TRAK1: variants seen among roughly 807,000 people sequenced by gnomAD.
TRAK1 encodes the protein trafficking kinesin-binding protein 1.
A neutral mutation model predicts 92.1 loss-of-function variants in TRAK1; 33 were observed. That is an observed-to-expected ratio of 0.36 (90% CI 0.27 to 0.48). The LOEUF is 0.48. TRAK1 is among the 20% of genes least tolerant of loss of function. The pLI is 0.99. For synonymous variants in TRAK1, 521 were observed against 517.3 expected, an observed-to-expected ratio of 1.01 and a Z score of -0.10; for missense variants, 1,123 against 1,257.9, an observed-to-expected ratio of 0.89 and a Z score of 1.62.
chr3:42,130,426 G>C (rs1697040948), intron 2 of TRAK1, among the ~76,000 whole-genome samples: 1 of 152,092 alleles, frequency 6.6e-6, no homozygotes, highest in African/African-American at 2.4e-5. Context: ...AAGCAAATAA[G>C]AGTTTCAAAA....
At chr3:42,109,085 G>T (rs779724108) in intron 1 of TRAK1, among the ~76,000 whole-genome samples, 26 of 152,164 alleles carry the variant, frequency 1.7e-4, no homozygotes, top group African/African-American at 4.1e-4. Context: ...ACTATTTACA[G>T]GCTATGTGAT....
upstream of TRAK1, among the ~76,000 whole-genome samples, chr3:42,087,776 G>T (rs1307156224): frequency 6.6e-6 from 1 of 152,200 alleles, no homozygotes; most frequent in Non-Finnish European, 1.5e-5. Flanking sequence ...TATAAGACAG[G>T]TGTAGTGGGA....
intron 1 of TRAK1, among the ~76,000 whole-genome samples, chr3:42,075,170 A>T (rs934981371): frequency 6.6e-6 from 1 of 151,920 alleles, no homozygotes; most frequent in Non-Finnish European, 1.5e-5. Flanking sequence ...ATTTAAAAAA[A>T]ATTTTAATTA....
At chr3:42,188,983 C>T (rs1415166552) in intron 5 of TRAK1, 33 bp from the exon 6 acceptor site, 6 of 1,504,056 alleles carry the variant, frequency 4.0e-6, no homozygotes, top group Middle Eastern at 1.7e-4. Context: ...GGAAATGCGT[C>T]TCCCTAGGTT....
upstream of TRAK1, among the ~76,000 whole-genome samples, chr3:42,086,135 G>A (rs561570631): frequency 9.1e-4 from 139 of 152,284 alleles, no homozygotes; most frequent in African/African-American, 3.1e-3. Flanking sequence ...TTGAGGCAGC[G>A]GCACTCCTGA....
chr3:42,028,877 G>A (rs558781661), intron 1 of TRAK1, among the ~76,000 whole-genome samples: 7 of 152,196 alleles, frequency 4.6e-5, no homozygotes, highest in Admixed American at 6.5e-5. Context: ...TTATTTATGA[G>A]ACGGTATGTT....
intron 10 of TRAK1, 57 bp downstream of exon 10, chr3:42,194,998 C>T: frequency 6.3e-7 from 1 of 1,591,354 alleles, no homozygotes; most frequent in South Asian, 1.1e-5. Context: ...GACAGGAGCA[C>T]AGTGTCTGAC....
At chr3:42,187,512 G>T (rs1298317807) in intron 4 of TRAK1, among the ~76,000 whole-genome samples, 1 of 152,024 alleles carries the variant, frequency 6.6e-6, no homozygotes, top group Non-Finnish European at 1.5e-5. Flanking sequence ...CTGTTGCCCA[G>T]GCTGGAGTGC....
chr3:42,200,698 C>A, intron 11 of TRAK1, 120 bp from the exon 12 acceptor site: 1 of 951,632 alleles, frequency 1.1e-6, no homozygotes, highest in Non-Finnish European at 1.7e-6. Flanking sequence ...GGATAGCAGG[C>A]TGCTGGGGGA....
At chr3:42,214,905 A>T (rs1709491218) in intron 14 of TRAK1, among the ~76,000 whole-genome samples, 1 of 152,246 alleles carries the variant, frequency 6.6e-6, no homozygotes, top group Non-Finnish European at 1.5e-5. Flanking sequence ...TAAAAGTGTT[A>T]TCTTGTACAA....
At chr3:42,041,614 A>G (rs1221181541) in intron 1 of TRAK1, among the ~76,000 whole-genome samples, 1 of 145,742 alleles carries the variant, frequency 6.9e-6, no homozygotes, top group East Asian at 2.0e-4. Context: ...TTTTTTTCTA[A>G]TTGCTCTGGC....
intron 1 of TRAK1, among the ~76,000 whole-genome samples, chr3:42,075,500 G>T (rs1484829224): frequency 6.6e-6 from 1 of 152,162 alleles, no homozygotes; most frequent in Non-Finnish European, 1.5e-5. Flanking sequence ...TTGGGTATAT[G>T]CCCAGTAATG....
At chr3:42,142,837 G>A (rs1698839992) in intron 2 of TRAK1, among the ~76,000 whole-genome samples, 1 of 152,074 alleles carries the variant, frequency 6.6e-6, no homozygotes, top group African/African-American at 2.4e-5. Flanking sequence ...TATTAACTCT[G>A]TACTCTTTTG....
chr3:42,112,713 G>A (rs1294735775), intron 1 of TRAK1, among the ~76,000 whole-genome samples: 17 of 138,980 alleles, frequency 1.2e-4, no homozygotes, highest in Non-Finnish European at 1.8e-4. Flanking sequence ...TCTAGCCTGG[G>A]TGACAGAGTG....
chr3:42,125,090 T>C (rs921721354), intron 1 of TRAK1, among the ~76,000 whole-genome samples: 6 of 152,178 alleles, frequency 3.9e-5, no homozygotes, highest in Non-Finnish European at 7.3e-5. Context: ...GGCTGACATG[T>C]AGAACGCTTG....
intron 1 of TRAK1, among the ~76,000 whole-genome samples, chr3:42,022,262 T>C (rs1453158480): frequency 1.3e-5 from 2 of 152,234 alleles, no homozygotes; most frequent in African/African-American, 4.8e-5. Flanking sequence ...TTTGGTGTTA[T>C]ATATTTGGGA....
chr3:42,132,983 T>G (rs1697411953), intron 2 of TRAK1, among the ~76,000 whole-genome samples: 1 of 152,178 alleles, frequency 6.6e-6, no homozygotes, highest in Non-Finnish European at 1.5e-5. Context: ...TGTTAATTCT[T>G]CCTCCAGATA....
chr3:42,198,432 A>C (rs898170213), intron 10 of TRAK1, among the ~76,000 whole-genome samples: 7 of 152,190 alleles, frequency 4.6e-5, no homozygotes, highest in Non-Finnish European at 1.0e-4. Flanking sequence ...TGAGATTCCT[A>C]GTGGAAACAG....
chr3:42,209,659 G>A (rs2149502527), intron 13 of TRAK1, 108 bp from the exon 14 acceptor site: 1 of 1,115,488 alleles, frequency 9.0e-7, no homozygotes, highest in Non-Finnish European at 1.3e-6. Flanking sequence ...GACCCTGCTG[G>A]GGTTCACGCT....
Sources: allele counts gnomAD v4.1 joint callset (sites outside exome capture counted in the v4.1 genomes callset), GRCh38; gene constraint gnomAD v4.1.1; transcripts MANE v1.5; gene names NCBI Gene and HGNC (gene_info 2026-07-23, HGNC 2026-07-21).